The following MINDY2 variants were observed in gnomAD, a reference collection of about 807,000 sequenced individuals.
MINDY2 encodes the protein ubiquitin carboxyl-terminal hydrolase MINDY-2.
Under a neutral mutation model 68.2 loss-of-function variants are expected in MINDY2, and 52 were observed. That is an observed-to-expected ratio of 0.76 (90% CI 0.61 to 0.96). The LOEUF (loss-of-function observed/expected upper bound fraction) is 0.96. Among genes scored for constraint, MINDY2 ranks in the 40% least tolerant of loss-of-function variants. The pLI, the probability that MINDY2 is intolerant of heterozygous loss-of-function variation, is 0.00. For missense variants in MINDY2, 881 were observed against 773.4 expected (o/e 1.14, Z -1.65); for synonymous variants, 372 against 303.0 (o/e 1.23, Z -2.36).
Position 58,861,692 on chromosome 15 carries a change from A to G in MINDY2, c.*7082A>G, listed in dbSNP as rs1224782036. ...CTTAAAAGGCATACATAGATGGTAAAGTATAAAATATTTCTGACAGAATTA... is the reference window on the plus strand; with the variant it reads ...CTTAAAAGGCATACATAGATGGTAAGGTATAAAATATTTCTGACAGAATTA... On this transcript the variant is annotated 3_prime_UTR_variant, in exon 9 of 9. Coordinates refer to ENST00000559228, the MANE Select transcript of MINDY2 (RefSeq NM_001040450.3). 1 of 152,222 alleles carries G rather than the reference A, an allele frequency of 6.6e-6. No homozygotes were observed. The highest frequency in any genetic ancestry group is 1.5e-5 in the Non-Finnish European group (1 of 68,038). 9.4% of individuals were successfully genotyped at this position (152,222 alleles called of 1,614,324 possible).
chr15:58,774,533 T>C (rs1285508392), intron 1 of MINDY2, among the ~76,000 whole-genome samples: 2 of 146,928 alleles, frequency 1.4e-5, no homozygotes, highest in Non-Finnish European at 3.0e-5. Context: ...ATGAGTATGA[T>C]GCAAATCTGC....
chr15:58,847,240 A>C, intron 6 of MINDY2, 57 bp from the exon 7 acceptor site: 1 of 1,339,540 alleles, frequency 7.5e-7, no homozygotes, highest in South Asian at 1.6e-5. Context: ...CTTAAATATT[A>C]TATTACTAGT....
chr15:58,856,621 A>G lies in MINDY2; in HGVS notation c.*2011A>G, dbSNP rs1250386732. 1 of 152,220 alleles carries G rather than the reference A, an allele frequency of 6.6e-6. No homozygotes were observed. Among genetic ancestry groups the G allele is most frequent in the East Asian group, 1.9e-4 (1 of 5,200 alleles). The allele number at this position is 152,220 out of a possible 1,614,324, so 9.4% of individuals were successfully genotyped here. On this transcript the variant is annotated 3_prime_UTR_variant, in exon 9 of 9. Transcript: ENST00000559228. ...ATATGTATACGTTAGTAAAATAACCAGATATACTACAGAACTCTCTATTGG... is the reference window on the plus strand; with the variant it reads ...ATATGTATACGTTAGTAAAATAACCGGATATACTACAGAACTCTCTATTGG...
intron 4 of MINDY2, among the ~76,000 whole-genome samples, chr15:58,820,839 G>A (rs2031013276): frequency 6.6e-6 from 1 of 151,996 alleles, no homozygotes; most frequent in African/African-American, 2.4e-5. Context: ...TTGAATGTAG[G>A]AAGAAAACAT....
chr15:58,846,972 C>T (rs2032569481), intron 6 of MINDY2, among the ~76,000 whole-genome samples: 1 of 151,792 alleles, frequency 6.6e-6, no homozygotes, highest in Non-Finnish European at 1.5e-5. Flanking sequence ...ATGTATTTTT[C>T]AGGAATTTGT....
At chr15:58,836,409 T>C (rs1469526286) in intron 6 of MINDY2, among the ~76,000 whole-genome samples, 3 of 152,076 alleles carry the variant, frequency 2.0e-5, no homozygotes, top group Non-Finnish European at 4.4e-5. Context: ...TCAAAGACCA[T>C]GCATTGCATT....
At chr15:58,854,167 C>G (rs759420356) in intron 8 of MINDY2, among the ~76,000 whole-genome samples, 1 of 151,546 alleles carries the variant, frequency 6.6e-6, no homozygotes, top group Non-Finnish European at 1.5e-5. Flanking sequence ...TCTCTTGAAC[C>G]CAGGAAGTGG....
At position 58,821,708 on chromosome 15, in the gene MINDY2, G is replaced by C. The variant is rs746463424; in HGVS notation, c.1123-9G>C. 1.5e-5 allele frequency: 23 copies of C among 1,530,898 alleles called. No homozygotes were observed. The highest frequency in any genetic ancestry group is 2.0e-5 in the Non-Finnish European group (23 of 1,140,302). The allele number at this position is 1,530,898 out of a possible 1,614,324, so 94.8% of individuals were successfully genotyped here. ...ACCATGATTAGTGAGACAGTCATTTGTTTTCTAGATTGATGACATTGTAAA... is the reference window on the plus strand; with the variant it reads ...ACCATGATTAGTGAGACAGTCATTTCTTTTCTAGATTGATGACATTGTAAA... On this transcript the variant is annotated splice_polypyrimidine_tract_variant and intron_variant, in intron 4 of 8. Transcript: ENST00000559228.
chr15:58,807,610 G>A (rs1257106593), intron 3 of MINDY2, among the ~76,000 whole-genome samples: 2 of 151,912 alleles, frequency 1.3e-5, no homozygotes, highest in South Asian at 2.1e-4. Context: ...TGATCCGCCC[G>A]CCTCGGCCTC....
intron 1 of MINDY2, among the ~76,000 whole-genome samples, chr15:58,776,392 G>C (rs1401937719): frequency 6.6e-6 from 1 of 152,152 alleles, no homozygotes; most frequent in Non-Finnish European, 1.5e-5. Context: ...TGGGGAAGGA[G>C]GGGAAGAATA....
In MINDY2 at chr15:58,856,894, CTGT is replaced by C. The variant is rs1468679889; in HGVS notation, c.*2286_*2288del. 1 of 152,180 alleles carries C rather than the reference CTGT, an allele frequency of 6.6e-6. No individual in the cohort carries two copies. Among genetic ancestry groups the C allele is most frequent in the Non-Finnish European group, 1.5e-5 (1 of 68,024 alleles). The allele number at this position is 152,180 out of a possible 1,614,324, so 9.4% of individuals were successfully genotyped here. A position where few individuals can be genotyped will look rare whatever the true frequency, so the allele number is the denominator to read the frequency against. ...AAATATATGTGTAGAAGTATTTCTT[CTGT>C]TATTTGTTACTATCTTCTTAATTTG... On this transcript the variant is annotated 3_prime_UTR_variant, in exon 9 of 9. Transcript: ENST00000559228.
chr15:58,809,588 G>A (rs1648229755), intron 3 of MINDY2, among the ~76,000 whole-genome samples: 1 of 152,084 alleles, frequency 6.6e-6, no homozygotes, highest in African/African-American at 2.4e-5. Context: ...AGTAGGAGAG[G>A]CCTTCTTCCT....
rs149766678 is a variant in MINDY2, at chr15:58,850,570, A to G, written c.1543-1201A>G. ...TTTGTAAATGGGGAACTTTTTAAAA[A>G]ATTCTTTAAACCAATTTACTTATTT... On this transcript the variant is annotated intron_variant, in intron 7 of 8. Transcript: ENST00000559228. 1.1e-4 allele frequency among the ~76,000 whole-genome samples: 16 copies of G among 152,292 alleles called. No homozygotes were observed. In the East Asian group the frequency reaches 3.1e-3, roughly 29 times the overall value.
chr15:58,822,835 A>G (rs1048048107), intron 5 of MINDY2, among the ~76,000 whole-genome samples: 6 of 152,198 alleles, frequency 3.9e-5, no homozygotes, highest in African/African-American at 1.4e-4. Flanking sequence ...AAAGGGAAAC[A>G]AAAGAGAAAG....
intron 2 of MINDY2, among the ~76,000 whole-genome samples, chr15:58,795,755 T>C (rs1314549025): frequency 1.3e-5 from 2 of 150,380 alleles, no homozygotes; most frequent in Non-Finnish European, 2.9e-5. Flanking sequence ...TAAACCATTA[T>C]AGTGTCTAAG....
chr15:58,785,989 C>A (rs1009343227), intron 1 of MINDY2, among the ~76,000 whole-genome samples: 5 of 152,100 alleles, frequency 3.3e-5, no homozygotes, highest in Non-Finnish European at 7.4e-5. Flanking sequence ...TTAAAAATGT[C>A]ACAGAGAATA....
At chr15:58,833,329 TA>T (rs1381475991) in intron 6 of MINDY2, among the ~76,000 whole-genome samples, 2 of 152,192 alleles carry the variant, frequency 1.3e-5, no homozygotes, top group African/African-American at 4.8e-5. Context: ...TTCTGCACTT[TA>T]CTGCCATATC....
At chr15:58,829,686 G>A (rs2031610287) in intron 5 of MINDY2, among the ~76,000 whole-genome samples, 1 of 152,112 alleles carries the variant, frequency 6.6e-6, no homozygotes, top group African/African-American at 2.4e-5. Flanking sequence ...AGACGGCAGT[G>A]GTACTTTTCA....
intron 3 of MINDY2, among the ~76,000 whole-genome samples, chr15:58,803,443 G>C (rs994950474): frequency 6.6e-5 from 10 of 151,172 alleles, no homozygotes; most frequent in South Asian, 2.1e-4. Flanking sequence ...GATCCAGGCT[G>C]GTGACAGAGC....
Sources: gnomAD v4.1 joint callset for allele counts (sites outside exome capture counted in the v4.1 genomes callset) on GRCh38, gnomAD v4.1.1 for gene constraint, MANE v1.5 for transcripts, NCBI Gene and HGNC (gene_info 2026-07-23, HGNC 2026-07-21) for gene names.